ODAD2: variants seen among roughly 807,000 people sequenced by gnomAD.
The protein encoded by ODAD2 is outer dynein arm docking complex subunit 2.
A neutral mutation model predicts 106.8 loss-of-function variants in ODAD2; 89 were observed. That is an observed-to-expected ratio of 0.83 (90% CI 0.70 to 0.99). The LOEUF (loss-of-function observed/expected upper bound fraction) is 0.99. Ranked by LOEUF, ODAD2 falls within the 50% of genes least tolerant of loss-of-function variation. The pLI is 0.00. For synonymous variants in ODAD2, 404 were observed against 436.2 expected (o/e 0.93, Z 0.92); for missense variants, 1,168 against 1,238.5 (o/e 0.94, Z 0.85).
chr10:27,817,444 A>G (rs112899489), intron 19 of ODAD2, among the ~76,000 whole-genome samples: 1 of 152,054 alleles, frequency 6.6e-6, no homozygotes, highest in African/African-American at 2.4e-5. Flanking sequence ...TGCACCCACC[A>G]CCCATATAGT....
In ODAD2 at chr10:27,883,586, C is replaced by T. The variant is rs1400078523; in HGVS notation, c.2611-20964G>A. On this transcript the variant is annotated intron_variant, in intron 17 of 19. Transcript: ENST00000305242. ...CTCAAGAAGCTTGTATAATGTTGGC[C>T]TTATTAGAAAAACTTGAAAATCAGT... Among the ~76,000 whole-genome samples, 3 of 152,036 alleles carry T rather than the reference C, an allele frequency of 2.0e-5. No individual in the cohort carries two copies. In the East Asian group the frequency reaches 5.8e-4, roughly 29 times the overall value.
At chr10:27,998,914 C>A (rs1289171368) in intron 1 of ODAD2, 80 bp downstream of exon 1, 9 of 154,464 alleles carry the variant, frequency 5.8e-5, no homozygotes, top group Non-Finnish European at 8.4e-5. Flanking sequence ...CCTACAGGGC[C>A]CGTGCCCTCC....
intron 17 of ODAD2, among the ~76,000 whole-genome samples, chr10:27,892,798 C>T (rs1281329043): frequency 6.6e-6 from 1 of 152,174 alleles, no homozygotes. Context: ...TTTGATTCTG[C>T]TACTTCGTTG....
chr10:27,927,674 T>C (rs905768848), intron 16 of ODAD2, among the ~76,000 whole-genome samples: 1 of 152,174 alleles, frequency 6.6e-6, no homozygotes, highest in East Asian at 1.9e-4. Context: ...GAATTTAACA[T>C]GTTTGACCTC....
intron 19 of ODAD2, among the ~76,000 whole-genome samples, chr10:27,847,450 T>A (rs1307375080): frequency 3.9e-5 from 6 of 152,258 alleles, no homozygotes; most frequent in South Asian, 2.1e-4. Context: ...ATTTATGACA[T>A]ACCCACAGCC....
intron 3 of ODAD2, 41 bp from the exon 4 acceptor site, chr10:27,985,252 A>G: frequency 2.1e-6 from 3 of 1,422,970 alleles, no homozygotes; most frequent in Non-Finnish European, 2.8e-6. Context: ...AAAATTATCC[A>G]CTTGTCTTCT....
Position 27,870,601 on chromosome 10 carries a change from G to A in ODAD2, c.2611-7979C>T, listed in dbSNP as rs988311216. On this transcript the variant is annotated intron_variant, in intron 17 of 19. Transcript: ENST00000305242. ...TTCCCACCTATGAGTGAGAATATGC[G>A]GTGTTTGGTTTTTTGTCCTTGCGAT... Among the ~76,000 whole-genome samples, 12 of 152,090 alleles carry A rather than the reference G, an allele frequency of 7.9e-5. 1 individual carries two copies. The highest frequency in any genetic ancestry group is 3.4e-3 in the Middle Eastern group (1 of 294).
chr10:27,815,968 T>G (rs1034888444), intron 19 of ODAD2, among the ~76,000 whole-genome samples: 2 of 152,208 alleles, frequency 1.3e-5, no homozygotes, highest in Admixed American at 1.3e-4. Context: ...AACATGAATC[T>G]CTTTCCAAGT....
intron 17 of ODAD2, among the ~76,000 whole-genome samples, chr10:27,892,109 AT>A (rs1369772584): frequency 6.6e-6 from 1 of 152,016 alleles, no homozygotes; most frequent in African/African-American, 2.4e-5. Context: ...AATCTCTCAC[AT>A]TTTTCACAAA....
chr10:27,879,125 C>A (rs540275878), intron 17 of ODAD2, among the ~76,000 whole-genome samples: 174 of 152,060 alleles, frequency 1.1e-3, no homozygotes, highest in Non-Finnish European at 2.3e-3. Flanking sequence ...GCTTCTCTAG[C>A]CTGATTTGAC....
rs111635933 is a variant in ODAD2 at position 27,903,038 on chromosome 10, C to T, written c.2610+4625G>A. On this transcript the variant is annotated intron_variant, in intron 17 of 19. Transcript: ENST00000305242. ...CCAATGTCCCTGATGAACATCGATG[C>T]GAAAATCCTCAATAAAATACTGGCA... 2.9e-3 allele frequency among the ~76,000 whole-genome samples: 442 copies of T among 152,222 alleles called. 2 individuals carry two copies. Among genetic ancestry groups the T allele is most frequent in the African/African-American group, 0.01 (420 of 41,544 alleles).
chr10:27,853,316 A>G (rs7898085), intron 19 of ODAD2: 156,631 of 267,554 alleles, frequency 0.59, 47,923 homozygotes, highest in African/African-American at 0.68. Flanking sequence ...GCAGTGAGCC[A>G]AGATCGTTGT....
intron 17 of ODAD2, among the ~76,000 whole-genome samples, chr10:27,871,841 T>C (rs1310720393): frequency 6.6e-6 from 1 of 152,142 alleles, no homozygotes; most frequent in African/African-American, 2.4e-5. Context: ...CAATGCAGGG[T>C]CTTTTTTGGT....
intron 1 of ODAD2, chr10:27,997,524 G>C (rs907191286): frequency 6.6e-6 from 1 of 152,072 alleles, no homozygotes; most frequent in African/African-American, 2.4e-5. Context: ...CCTTAACACA[G>C]AATTAAGAAA....
chr10:27,863,944 G>A (rs2133357348), intron 17 of ODAD2, among the ~76,000 whole-genome samples: 1 of 152,218 alleles, frequency 6.6e-6, no homozygotes, highest in East Asian at 1.9e-4. Flanking sequence ...GAGCATCTTG[G>A]TAAAGGGTTT....
intron 9 of ODAD2, among the ~76,000 whole-genome samples, chr10:27,963,710 T>A (rs1962094): frequency 0.38 from 56,985 of 151,958 alleles, 12,030 homozygotes; most frequent in Middle Eastern, 0.59. Flanking sequence ...GAAATGCTCA[T>A]GTTTTTGATT....
At chr10:27,904,575 T>A (rs1431225686) in intron 17 of ODAD2, among the ~76,000 whole-genome samples, 1 of 152,252 alleles carries the variant, frequency 6.6e-6, no homozygotes. Context: ...CATTTGTACT[T>A]AGGTCTATTC....
intron 19 of ODAD2, among the ~76,000 whole-genome samples, chr10:27,814,983 T>C (rs1589733110): frequency 6.6e-6 from 1 of 152,324 alleles, no homozygotes; most frequent in African/African-American, 2.4e-5. Context: ...CCAATGCCTA[T>C]TTTAAATCTT....
At chr10:27,861,713 T>C (rs1440048402) in intron 18 of ODAD2, among the ~76,000 whole-genome samples, 1 of 152,222 alleles carries the variant, frequency 6.6e-6, no homozygotes, top group Non-Finnish European at 1.5e-5. Flanking sequence ...CTTCTTTGTA[T>C]ACGTAATTGC....
Sources: gnomAD v4.1 joint callset for allele counts (sites outside exome capture counted in the v4.1 genomes callset) on GRCh38, gnomAD v4.1.1 for gene constraint, MANE v1.5 for transcripts, NCBI Gene and HGNC (gene_info 2026-07-23, HGNC 2026-07-21) for gene names.